POU6F2: variants seen among roughly 807,000 people sequenced by gnomAD.
POU6F2 encodes the protein POU class 6 homeobox 2.
Under a neutral mutation model 71.3 loss-of-function variants are expected in POU6F2, and 31 were observed. The ratio of observed to expected loss-of-function variants is 0.43; its 90% CI spans 0.33 to 0.59. POU6F2 has a LOEUF of 0.59. POU6F2 is among the 20% of genes least tolerant of loss of function. The pLI is 0.04. For missense variants in POU6F2, 783 were observed against 856.8 expected (o/e 0.91, Z 1.07); for synonymous variants, 347 against 355.7 (o/e 0.98, Z 0.27).
intron 2 of POU6F2, among the ~76,000 whole-genome samples, chr7:39,148,683 A>G (rs1270973361): frequency 1.3e-5 from 2 of 152,148 alleles, no homozygotes; most frequent in Non-Finnish European, 2.9e-5. Context: ...TGGCAACTGT[A>G]TTAGAGAATA....
At chr7:39,024,737 G>A (rs1389209538) in intron 1 of POU6F2, among the ~76,000 whole-genome samples, 1 of 152,092 alleles carries the variant, frequency 6.6e-6, no homozygotes, top group East Asian at 1.9e-4. Flanking sequence ...TTTGTCAAAG[G>A]CATTTTCTGC....
chr7:39,249,453 C>T (rs1185460297), intron 4 of POU6F2, among the ~76,000 whole-genome samples: 1 of 152,310 alleles, frequency 6.6e-6, no homozygotes, highest in Non-Finnish European at 1.5e-5. Context: ...TGCTCTTTCT[C>T]AAATCATGTC....
At chr7:39,136,620 G>A (rs1216515969) in intron 2 of POU6F2, among the ~76,000 whole-genome samples, 8 of 152,110 alleles carry the variant, frequency 5.3e-5, no homozygotes, top group Non-Finnish European at 1.2e-4. Context: ...TTAAATATAT[G>A]ATAAAGAGTG....
At chr7:39,346,437 C>T (rs1029427009) in intron 5 of POU6F2, among the ~76,000 whole-genome samples, 2 of 152,238 alleles carry the variant, frequency 1.3e-5, no homozygotes, top group Admixed American at 6.5e-5. Flanking sequence ...AGCGTTTGAA[C>T]ATGGCAAGTG....
chr7:39,445,946 A>C (rs1362149352), intron 7 of POU6F2, among the ~76,000 whole-genome samples: 1 of 152,140 alleles, frequency 6.6e-6, no homozygotes, highest in African/African-American at 2.4e-5. Flanking sequence ...TCACCTGAAA[A>C]CTTGTTAGAT....
chr7:39,310,027 A>G (rs1236542816), intron 4 of POU6F2, among the ~76,000 whole-genome samples: 1 of 152,142 alleles, frequency 6.6e-6, no homozygotes, highest in Non-Finnish European at 1.5e-5. Context: ...GCTCTTTTGG[A>G]TGATGTGATC....
chr7:39,179,558 G>T (rs1793398947), intron 2 of POU6F2, among the ~76,000 whole-genome samples: 1 of 151,988 alleles, frequency 6.6e-6, no homozygotes, highest in African/African-American at 2.4e-5. Context: ...CACGCACACA[G>T]TCTACAGAAC....
In POU6F2 at chr7:39,085,853, A is replaced by G; in HGVS notation, c.106-7A>G. 6.2e-7 allele frequency: 1 copy of G among 1,612,786 alleles called. No homozygotes were observed. The highest frequency in any genetic ancestry group is 8.5e-7 in the Non-Finnish European group (1 of 1,179,426). On this transcript the variant is annotated splice_polypyrimidine_tract_variant and splice_region_variant and intron_variant, in intron 1 of 9. Transcript: ENST00000518318. ...TTCCTCCCCTTCACTCTTTTCGCCC[A>G]TCCTAGGATCCAATGATAGCTGGAC... is the stretch of plus-strand genomic sequence containing the variant.
intron 2 of POU6F2, among the ~76,000 whole-genome samples, chr7:39,183,529 A>AG (rs1793475922): frequency 6.6e-6 from 1 of 152,108 alleles, no homozygotes; most frequent in Non-Finnish European, 1.5e-5. Context: ...AAGAATAGCA[A>AG]GGGGGAAACC....
At chr7:39,279,966 C>T (rs2128759441) in intron 4 of POU6F2, among the ~76,000 whole-genome samples, 1 of 152,072 alleles carries the variant, frequency 6.6e-6, no homozygotes, top group African/African-American at 2.4e-5. Context: ...AGGCTGGTCT[C>T]GAACTCCTGA....
chr7:39,032,190 T>C (rs966087969), intron 1 of POU6F2, among the ~76,000 whole-genome samples: 3 of 152,170 alleles, frequency 2.0e-5, no homozygotes, highest in African/African-American at 7.2e-5. Flanking sequence ...TTGTAGAAAT[T>C]TGACCTTATT....
intron 4 of POU6F2, among the ~76,000 whole-genome samples, chr7:39,227,286 T>C (rs566168998): frequency 3.9e-5 from 6 of 152,262 alleles, no homozygotes; most frequent in African/African-American, 7.2e-5. Context: ...TTTTTTTCCA[T>C]CGAGTTTTGT....
chr7:39,210,927 CA>C (rs776249494), intron 4 of POU6F2, among the ~76,000 whole-genome samples: 6 of 152,160 alleles, frequency 3.9e-5, no homozygotes, highest in Non-Finnish European at 8.8e-5. Context: ...TTATAAACAA[CA>C]GATTGTATTC....
At chr7:39,429,499 A>T (rs889190200) in intron 6 of POU6F2, among the ~76,000 whole-genome samples, 1 of 152,170 alleles carries the variant, frequency 6.6e-6, no homozygotes, top group Non-Finnish European at 1.5e-5. Flanking sequence ...CATTCAAGGT[A>T]CCTGTCTTGT....
Position 39,000,871 on chromosome 7 carries a change from T to G in POU6F2, c.105+22813T>G, listed in dbSNP as rs541407894. Among the ~76,000 whole-genome samples the G allele has an allele frequency of 1.5e-3, 225 of 152,274 alleles. 2 individuals carry two copies. Among genetic ancestry groups the G allele is most frequent in the Non-Finnish European group, 2.1e-3 (145 of 68,014 alleles). On this transcript the variant is annotated intron_variant, in intron 1 of 9. Coordinates refer to ENST00000518318, the MANE Select transcript of POU6F2 (RefSeq NM_001370959.1). ...CTTTTCCTTAGATCTCCCAACACCT[T>G]GGTCCTTGGCAAGCAAAAAATGACC...
At chr7:39,307,038 G>C (rs971854936) in intron 4 of POU6F2, among the ~76,000 whole-genome samples, 57 of 152,328 alleles carry the variant, frequency 3.7e-4, no homozygotes, top group Admixed American at 1.6e-3. Context: ...TGAGGACATT[G>C]GATTGTTCAG....
At chr7:39,372,706 A>G (rs954242139) in intron 5 of POU6F2, among the ~76,000 whole-genome samples, 14 of 152,246 alleles carry the variant, frequency 9.2e-5, no homozygotes, top group Non-Finnish European at 1.8e-4. Context: ...AAGTTGACAC[A>G]TAAAATTAAC....
chr7:39,038,334 GCTGA>G (rs1440808638), intron 1 of POU6F2, among the ~76,000 whole-genome samples: 6 of 152,084 alleles, frequency 3.9e-5, no homozygotes, highest in Non-Finnish European at 7.4e-5. Flanking sequence ...GGAAAATTAA[GCTGA>G]CTATTTCTAA....
intron 4 of POU6F2, among the ~76,000 whole-genome samples, chr7:39,281,788 T>C (rs1784566693): frequency 6.6e-6 from 1 of 152,152 alleles, no homozygotes; most frequent in Non-Finnish European, 1.5e-5. Flanking sequence ...CTCTTCAACA[T>C]AGTGATTGCA....
Sources: gnomAD v4.1 joint callset for allele counts (sites outside exome capture counted in the v4.1 genomes callset) on GRCh38, gnomAD v4.1.1 for gene constraint, MANE v1.5 for transcripts, NCBI Gene and HGNC (gene_info 2026-07-23, HGNC 2026-07-21) for gene names.